JPH2: variants seen among roughly 807,000 people sequenced by gnomAD.
The protein encoded by JPH2 is junctophilin 2, also known as junctophilin-2.
In JPH2, 38 loss-of-function variants were observed where a neutral mutation model predicts 55.9. The ratio of observed to expected loss-of-function variants is 0.68; its 90% CI spans 0.52 to 0.89. The LOEUF is 0.89. JPH2 is among the 40% of genes least tolerant of loss of function. The pLI, the probability that JPH2 is intolerant of heterozygous loss-of-function variation, is 0.00. For synonymous variants in JPH2, 480 were observed against 472.4 expected (o/e 1.02, Z -0.21); for missense variants, 964 against 1,037.6 (o/e 0.93, Z 0.97).
chr20:44,159,811 A>G lies in JPH2; in HGVS notation c.976T>C (p.Tyr326His), dbSNP rs1419242338. 1.9e-6 allele frequency: 3 copies of G among 1,613,182 alleles called. No individual in the cohort carries two copies. The highest frequency in any genetic ancestry group is 2.5e-6 in the Non-Finnish European group (3 of 1,179,898). The change falls in exon 2 of 6, where the codon TAT (tyrosine) becomes CAT (histidine). Residue 326 changes from tyrosine (Y) to histidine (H), a missense_variant. Tyr to His is a moderately conservative substitution (Grantham distance 83). Transcript: ENST00000372980. The surrounding 1 kb of genome is among the most constrained non-coding windows in gnomAD (Gnocchi z 5.7). The stretch of plus-strand genomic sequence containing the variant: ...CCGTCGGGCAGCGTGGTGCAGCCAT[A>G]GCCGTGGCGCAGGTTGTCCAGCCAC... ...GEWLDNLRHG[Y>H]GCTTLPDGHR...
At chr20:44,141,214 G>A (rs73908577) in intron 2 of JPH2, among the ~76,000 whole-genome samples, 1,559 of 152,240 alleles carry the variant, frequency 0.01, 25 homozygotes, top group African/African-American at 0.036. Flanking sequence ...GGGAAGCAAC[G>A]CATCCGGCTA....
At position 44,116,259 on chromosome 20, in the gene JPH2, C is replaced by T. The variant is rs2072191301; in HGVS notation, c.1416G>A (p.Leu472=). 6.6e-7 allele frequency: 1 copy of T among 1,516,840 alleles called. No homozygotes were observed. Among genetic ancestry groups the T allele is most frequent in the Non-Finnish European group, 8.8e-7 (1 of 1,137,474 alleles). The allele number at this position is 1,516,840 out of a possible 1,614,324, so 94.0% of individuals were successfully genotyped here. A position where few individuals can be genotyped will look rare whatever the true frequency, so the allele number is the denominator to read the frequency against. Residue 472 remains leucine, a synonymous_variant, in exon 4 of 6, where the codon CTG becomes CTA. Transcript: ENST00000372980. ...LPQPPRESPQ[L]HERETPRPEG... ...CGGGCCGAGGGGTCTCACGCTCGTG[C>T]AGCTGCGGGCTCTCGCGGGGCGGCT...
rs6031416 is a variant in JPH2, at chr20:44,140,702, T to C, written c.1169+18916A>G. On this transcript the variant is annotated intron_variant, in intron 2 of 5. Transcript: ENST00000372980. The stretch of plus-strand genomic sequence containing the variant: ...CTCCCTGGGGTGATCGCTGGGATTA[T>C]GGAAACACCTGGGAGATCCCCACCG... Among the ~76,000 whole-genome samples the C allele has an allele frequency of 3.0e-3, 430 of 144,500 alleles. 2 individuals are homozygous for C. Among genetic ancestry groups the C allele is most frequent in the African/African-American group, 0.01 (395 of 39,082 alleles). The allele number at this position is 144,500 out of a possible 152,430, so 94.8% of individuals were successfully genotyped here.
intron 2 of JPH2, among the ~76,000 whole-genome samples, chr20:44,139,327 T>C (rs1600846236): frequency 6.6e-6 from 1 of 152,000 alleles, no homozygotes; most frequent in East Asian, 1.9e-4. Context: ...ATCCAGCAAC[T>C]GCGAGTTGGG....
intron 1 of JPH2, among the ~76,000 whole-genome samples, chr20:44,185,127 C>T (rs1377959070): frequency 6.6e-6 from 1 of 151,490 alleles, no homozygotes; most frequent in Non-Finnish European, 1.5e-5. Context: ...AGTAAGACCC[C>T]ATCTCTACAA....
Position 44,111,295 on chromosome 20 carries a change from CTG to C in JPH2, c.*2221_*2222del, listed in dbSNP as rs1450359414. On this transcript the variant is annotated 3_prime_UTR_variant, in exon 6 of 6. Transcript: ENST00000372980. Reference sequence around the variant, plus strand: ...AACAACACTCGTCTCCATTTCTCCACTGCTTTCTACAGCCTCAACATCTAATG... The same window carrying C: ...AACAACACTCGTCTCCATTTCTCCACCTTTCTACAGCCTCAACATCTAATG... 4.6e-5 allele frequency among the ~76,000 whole-genome samples: 7 copies of C among 152,228 alleles called. No homozygotes were observed. Among genetic ancestry groups the C allele is most frequent in the Non-Finnish European group, 1.0e-4 (7 of 68,046 alleles).
At chr20:44,120,481 T>C (rs974929188) in intron 2 of JPH2, among the ~76,000 whole-genome samples, 32 of 152,230 alleles carry the variant, frequency 2.1e-4, no homozygotes, top group African/African-American at 7.7e-4. Flanking sequence ...TTATCTCATA[T>C]GCTCATTCTA....
At position 44,173,871 on chromosome 20, in the gene JPH2, C is replaced by A. The variant is rs992720464; in HGVS notation, c.379+12456G>T. On this transcript the variant is annotated intron_variant, in intron 1 of 5. Coordinates refer to ENST00000372980, the MANE Select transcript of JPH2 (RefSeq NM_020433.5). The stretch of plus-strand genomic sequence containing the variant: ...GAGGTTGCAGTTAGCCGAGATCGTA[C>A]CACTGCACTCCAGCCTGGGCGACTG... 2.6e-5 allele frequency among the ~76,000 whole-genome samples: 4 copies of A among 152,008 alleles called. No individual in the cohort carries two copies. The East Asian group carries it at 7.7e-4, about 29-fold the overall frequency.
chr20:44,173,828 G>A (rs2072714715), intron 1 of JPH2, among the ~76,000 whole-genome samples: 2 of 152,158 alleles, frequency 1.3e-5, no homozygotes, highest in Non-Finnish European at 2.9e-5. Flanking sequence ...GCAGAGAATT[G>A]CTTGAACCCA....
At position 44,160,349 on chromosome 20, in the gene JPH2, G is replaced by T. The variant is rs762464432; in HGVS notation, c.438C>A (p.Ser146Arg). Reference protein sequence around the residue: ...GMRHGYGVRQSVPYGMAVVVR... With the variant: ...GMRHGYGVRQRVPYGMAVVVR... ...CCACCACGGCCATCCCGTAGGGCACGCTCTGGCGTACTCCGTAGCCATGGC... is the reference window on the plus strand; with the variant it reads ...CCACCACGGCCATCCCGTAGGGCACTCTCTGGCGTACTCCGTAGCCATGGC... The change falls in exon 2 of 6, where the codon AGC becomes AGA. Residue 146 changes from serine to arginine, a missense_variant. Physicochemically the swap from Ser to Arg is moderately radical, Grantham distance 110 (BLOSUM62 -1). Coordinates refer to ENST00000372980, the MANE Select transcript of JPH2 (RefSeq NM_020433.5). This position sits in a 1 kb window ranked among gnomAD's most constrained non-coding sequence, Gnocchi z 4.9. 3 of 1,593,998 alleles carry T rather than the reference G, an allele frequency of 1.9e-6. No individual in the cohort carries two copies. Among genetic ancestry groups the T allele is most frequent in the Non-Finnish European group, 1.7e-6 (2 of 1,171,020 alleles).
chr20:44,172,047 A>T (rs1395655235), intron 1 of JPH2, among the ~76,000 whole-genome samples: 1 of 152,210 alleles, frequency 6.6e-6, no homozygotes, highest in East Asian at 1.9e-4. Context: ...AAGTGAGCAT[A>T]GCAAGTTTCC....
intron 2 of JPH2, among the ~76,000 whole-genome samples, chr20:44,127,628 G>A (rs1176355623): frequency 3.3e-5 from 5 of 151,886 alleles, no homozygotes; most frequent in Non-Finnish European, 4.4e-5. Context: ...TGGGATTACA[G>A]GCACCCGACA....
Position 44,111,321 on chromosome 20 carries a change from T to C in JPH2, c.*2197A>G, listed in dbSNP as rs1168938637. ...TGCTTTCTACAGCCTCAACATCTAA[T>C]GTAATCCTCACTACCAGGAGGTAGG... is the stretch of plus-strand genomic sequence containing the variant. On this transcript the variant is annotated 3_prime_UTR_variant, in exon 6 of 6. Transcript: ENST00000372980. Among the ~76,000 whole-genome samples the C allele has an allele frequency of 2.0e-5, 3 of 152,138 alleles. No individual in the cohort carries two copies. Among genetic ancestry groups the C allele is most frequent in the Non-Finnish European group, 4.4e-5 (3 of 68,014 alleles).
chr20:44,161,688 G>A (rs746207926), intron 1 of JPH2, among the ~76,000 whole-genome samples: 1 of 151,982 alleles, frequency 6.6e-6, no homozygotes, highest in Non-Finnish European at 1.5e-5. Context: ...GTGCTCACGT[G>A]TGAGGTCACC....
intron 1 of JPH2, chr20:44,178,071 G>T: frequency 1.3e-6 from 1 of 777,900 alleles, no homozygotes; most frequent in Non-Finnish European, 2.4e-6. Flanking sequence ...ACCCAGATCT[G>T]CCTACTCTAA....
chr20:44,134,198 AAT>A lies in JPH2; in HGVS notation c.1170-15577_1170-15576del, dbSNP rs1202794512. Among the ~76,000 whole-genome samples, 2 of 32,822 alleles carry A rather than the reference AAT, an allele frequency of 6.1e-5. 1 individual carries two copies. Among genetic ancestry groups the A allele is most frequent in the Non-Finnish European group, 1.0e-4 (2 of 19,370 alleles). 21.5% of individuals were successfully genotyped at this position (32,822 alleles called of 152,430 possible). On this transcript the variant is annotated intron_variant, in intron 2 of 5. Transcript: ENST00000372980. ...TATAAATATATAAATATTTATTATAAATATATAAATATATATTTATTATAAAT... is the reference window on the plus strand; with the variant it reads ...TATAAATATATAAATATTTATTATAAATATAAATATATATTTATTATAAAT...
At chr20:44,138,809 T>C (rs761091185) in intron 2 of JPH2, among the ~76,000 whole-genome samples, 8 of 152,206 alleles carry the variant, frequency 5.3e-5, no homozygotes, top group Non-Finnish European at 7.3e-5. Flanking sequence ...GTATTTATGG[T>C]AATGATCTAA....
intron 2 of JPH2, among the ~76,000 whole-genome samples, chr20:44,134,657 A>AAC (rs2072386043): frequency 3.8e-5 from 1 of 26,468 alleles, no homozygotes; most frequent in African/African-American, 1.6e-4. Context: ...ATTTATTATA[A>AAC]ATATATATAA....
rs941740869 is a variant in JPH2 at position 44,161,106 on chromosome 20, T to C, written c.380-699A>G. ...CACACACACACACAAATCATGAGTG[T>C]GCAGGGTAGTGTGTGCACAGTGGGG... On this transcript the variant is annotated intron_variant, in intron 1 of 5. Coordinates refer to ENST00000372980, the MANE Select transcript of JPH2 (RefSeq NM_020433.5). 3.3e-5 allele frequency among the ~76,000 whole-genome samples: 5 copies of C among 152,176 alleles called. No individual in the cohort carries two copies. In the East Asian group the frequency reaches 9.7e-4, roughly 29 times the overall value.
Sources: allele counts gnomAD v4.1 joint callset (sites outside exome capture counted in the v4.1 genomes callset), GRCh38; gene constraint gnomAD v4.1.1; non-coding constraint Gnocchi (gnomAD v3.1); transcripts MANE v1.5; gene names NCBI Gene and HGNC (gene_info 2026-07-23, HGNC 2026-07-21).